The following TNRC6A variants were observed in gnomAD, a reference collection of about 807,000 sequenced individuals.
TNRC6A encodes the protein trinucleotide repeat-containing gene 6A protein.
In TNRC6A, 44 loss-of-function variants were observed where a neutral mutation model predicts 221.2. The observed-to-expected ratio is 0.20, with a 90% CI of 0.16 to 0.26. The LOEUF (loss-of-function observed/expected upper bound fraction) is 0.26, where lower values mean the gene tolerates loss of function less well. Ranked by LOEUF, TNRC6A falls within the 10% of genes least tolerant of loss-of-function variation. TNRC6A has a pLI of 1.00. For missense variants in TNRC6A, 2,199 were observed against 2,404.4 expected (o/e 0.91, Z 1.79); for synonymous variants, 847 against 838.5 (o/e 1.01, Z -0.18).
chr16:24,656,141 CAA>C (rs551183501), intron 2 of TNRC6A, among the ~76,000 whole-genome samples: 22 of 112,580 alleles, frequency 2.0e-4, no homozygotes, highest in Non-Finnish European at 2.0e-4. Flanking sequence ...GACCTTGTCT[CAA>C]AAAAAAAAAA....
chr16:24,702,163 C>CTTTTCTT (rs1360444750), intron 2 of TNRC6A, among the ~76,000 whole-genome samples: 1 of 53,698 alleles, frequency 1.9e-5, no homozygotes, highest in Non-Finnish European at 3.7e-5. Flanking sequence ...ACTCTTTTTT[C>CTTTTCTT]TTTTCTTTTT....
intron 2 of TNRC6A, among the ~76,000 whole-genome samples, chr16:24,644,532 G>A (rs1019187628): frequency 1.9e-4 from 29 of 151,616 alleles, no homozygotes; most frequent in African/African-American, 4.6e-4. Flanking sequence ...AGGCTCAAGC[G>A]ATCCTCCCGC....
At chr16:24,625,737 C>CAAAAAAAAAAAAAAAAAAAAAAA (rs749882396) in intron 1 of TNRC6A, among the ~76,000 whole-genome samples, 1 of 24,036 alleles carries the variant, frequency 4.2e-5, no homozygotes, top group Admixed American at 5.3e-4. Flanking sequence ...CGTCTCAAAA[C>CAAAAAAAAAAAAAAAAAAAAAAA]AAAAAAAAAA....
At chr16:24,815,059 G>C in intron 18 of TNRC6A, 88 bp from the exon 19 acceptor site, 1 of 1,461,038 alleles carries the variant, frequency 6.8e-7, no homozygotes, top group Non-Finnish European at 9.3e-7. Flanking sequence ...AGATCTAATA[G>C]AAAGTGTTCA....
rs2058390284 is a variant in TNRC6A, at chr16:24,804,462, CTG to C, written c.3837+145_3837+146del. The C allele has an allele frequency of 2.6e-6, 3 of 1,160,900 alleles. No homozygotes were observed. The Admixed American group carries it at 9.7e-5, about 38-fold the overall frequency. The allele number at this position is 1,160,900 out of a possible 1,614,324, so 71.9% of individuals were successfully genotyped here. On this transcript the variant is annotated intron_variant, in intron 12 of 24. Coordinates refer to ENST00000395799, the MANE Select transcript of TNRC6A (RefSeq NM_014494.4). ...TCTTATTACTGGATTTTGAAGTTCA[CTG>C]TCTTTTTATGTCTCAATTTATCATA... is the stretch of plus-strand genomic sequence containing the variant.
At chr16:24,677,447 G>A (rs1200521040) in intron 2 of TNRC6A, among the ~76,000 whole-genome samples, 5 of 152,136 alleles carry the variant, frequency 3.3e-5, no homozygotes, top group Non-Finnish European at 5.9e-5. Flanking sequence ...ACAGACGTAA[G>A]CCACAGTGCC....
chr16:24,625,446 T>C (rs936629824), intron 1 of TNRC6A, among the ~76,000 whole-genome samples: 19 of 152,068 alleles, frequency 1.2e-4, no homozygotes, highest in Admixed American at 1.3e-4. Flanking sequence ...ACCCCGTCTC[T>C]ACTAAAAGTA....
intron 5 of TNRC6A, chr16:24,778,583 GC>G: frequency 1.3e-6 from 1 of 759,330 alleles, no homozygotes; most frequent in Non-Finnish European, 1.6e-6. Context: ...TGTGAGCTTG[GC>G]CATAACACAT....
At chr16:24,648,942 C>T (rs996919695) in intron 2 of TNRC6A, among the ~76,000 whole-genome samples, 1 of 152,054 alleles carries the variant, frequency 6.6e-6, no homozygotes, top group South Asian at 2.1e-4. Flanking sequence ...ATCATGAAAT[C>T]GGTGGCACAT....
intron 2 of TNRC6A, among the ~76,000 whole-genome samples, chr16:24,693,212 T>A (rs2055790367): frequency 6.6e-6 from 1 of 151,564 alleles, no homozygotes; most frequent in South Asian, 2.1e-4. Context: ...TCCAGCACTT[T>A]GGGAGGCCGA....
intron 2 of TNRC6A, chr16:24,661,829 G>T (rs2141920475): frequency 6.6e-6 from 1 of 152,276 alleles, no homozygotes; most frequent in South Asian, 2.1e-4. Context: ...GCCCAGTGTG[G>T]CAAGGAAACA....
intron 2 of TNRC6A, among the ~76,000 whole-genome samples, chr16:24,704,682 A>AG (rs2056060905): frequency 6.9e-6 from 1 of 144,534 alleles, no homozygotes; most frequent in African/African-American, 2.6e-5. Flanking sequence ...AAAAAAAAAA[A>AG]AAAAAAAAAA....
At chr16:24,721,863 A>C (rs2056415496) in intron 2 of TNRC6A, among the ~76,000 whole-genome samples, 1 of 152,236 alleles carries the variant, frequency 6.6e-6, no homozygotes, top group Non-Finnish European at 1.5e-5. Context: ...TGACTCTCAC[A>C]GGCACGTTTA....
chr16:24,802,253 A>G (rs1009020623), intron 11 of TNRC6A, among the ~76,000 whole-genome samples: 2 of 152,198 alleles, frequency 1.3e-5, no homozygotes, highest in Admixed American at 6.5e-5. Context: ...AACCTGTGTT[A>G]ACAGTGACAA....
chr16:24,714,834 A>G (rs571518435), intron 2 of TNRC6A, among the ~76,000 whole-genome samples: 2 of 149,570 alleles, frequency 1.3e-5, no homozygotes, highest in South Asian at 4.2e-4. Flanking sequence ...CATTTCAATA[A>G]TATTTTCCTA....
intron 4 of TNRC6A, among the ~76,000 whole-genome samples, chr16:24,766,791 C>T (rs1397073356): frequency 6.6e-6 from 1 of 151,542 alleles, no homozygotes; most frequent in Admixed American, 6.6e-5. Flanking sequence ...ATTCTCCTGC[C>T]TCAGCCTCCT....
intron 2 of TNRC6A, among the ~76,000 whole-genome samples, chr16:24,710,933 T>C (rs1596530682): frequency 6.6e-6 from 1 of 151,522 alleles, no homozygotes; most frequent in Non-Finnish European, 1.5e-5. Context: ...TGGAGTGCAG[T>C]GGTGCGATCT....
intron 1 of TNRC6A, among the ~76,000 whole-genome samples, chr16:24,620,084 C>T (rs538583442): frequency 2.6e-5 from 4 of 151,814 alleles, no homozygotes; most frequent in Non-Finnish European, 5.9e-5. Flanking sequence ...TGAGGCTGCA[C>T]TGAGCTATGA....
chr16:24,795,091 C>T (rs896407961), intron 8 of TNRC6A, among the ~76,000 whole-genome samples: 8 of 152,112 alleles, frequency 5.3e-5, no homozygotes, highest in Non-Finnish European at 1.0e-4. Flanking sequence ...TGGAGTCCCC[C>T]GCCACCCGCT....
Sources: gnomAD v4.1 joint callset for allele counts (sites outside exome capture counted in the v4.1 genomes callset) on GRCh38, gnomAD v4.1.1 for gene constraint, MANE v1.5 for transcripts, NCBI Gene and HGNC (gene_info 2026-07-23, HGNC 2026-07-21) for gene names.